The following RPL35A variants were observed in gnomAD, a reference collection of about 807,000 sequenced individuals.
The protein encoded by RPL35A is ribosomal protein L35a.
RPL35A carries 1 observed loss-of-function variant against 16.7 expected under a neutral mutation model. The ratio of observed to expected loss-of-function variants is 0.06; its 90% confidence interval spans 0.02 to 0.28. RPL35A has a LOEUF of 0.28. Ranked by LOEUF, RPL35A falls within the 10% of genes least tolerant of loss-of-function variation. RPL35A has a pLI of 1.00. For missense variants in RPL35A, 91 were observed against 138.7 expected (o/e 0.66, Z 1.73); for synonymous variants, 58 against 47.0 (o/e 1.23, Z -0.96).
At chr3:197,954,212 T>G in intron 4 of RPL35A, 65 bp downstream of exon 4, 1 of 1,574,364 alleles carries the variant, frequency 6.4e-7, no homozygotes, top group Non-Finnish European at 8.7e-7. Context: ...TGTTGTGCTT[T>G]GACTTCTGAG....
intron 3 of RPL35A, among the ~76,000 whole-genome samples, chr3:197,951,986 T>C (rs1581100331): frequency 6.6e-6 from 1 of 152,178 alleles, no homozygotes; most frequent in African/African-American, 2.4e-5. Context: ...ACGTTACTTC[T>C]GAGGGTGGTG....
Position 197,956,250 on chromosome 3 carries a change from G to A in RPL35A, c.*477G>A, listed in dbSNP as rs112984889. 283 of 181,330 alleles carry A rather than the reference G, an allele frequency of 1.6e-3. 1 individual carries two copies. Among genetic ancestry groups the A allele is most frequent in the African/African-American group, 3.7e-3 (158 of 42,566 alleles). The allele number at this position is 181,330 out of a possible 1,614,324, so 11.2% of individuals were successfully genotyped here. A position where few individuals can be genotyped will look rare whatever the true frequency, so the allele number is the denominator to read the frequency against. On this transcript the variant is annotated 3_prime_UTR_variant, in exon 5 of 5. Transcript: ENST00000647248. ...GATACAGTTATGAGCCACCACACCTGCCAAGTGCTTTGTGATACTATGCAT... is the reference window on the plus strand; with the variant it reads ...GATACAGTTATGAGCCACCACACCTACCAAGTGCTTTGTGATACTATGCAT...
At position 197,954,009 on chromosome 3, in the gene RPL35A, A is replaced by G; in HGVS notation, c.171A>G (p.Thr57=). ...TTTCCCTTTTTAAAATCAGCAACACAGTCACTCCTGGCGGCAAACCAAACA... is the reference window on the plus strand; with the variant it reads ...TTTCCCTTTTTAAAATCAGCAACACGGTCACTCCTGGCGGCAAACCAAACA... ...CAYVYKAKNN[T]VTPGGKPNKT... Residue 57 remains threonine (T), a synonymous_variant, in exon 4 of 5, where the codon ACA becomes ACG. Coordinates refer to ENST00000647248, the MANE Select transcript of RPL35A (RefSeq NM_000996.4). 1 of 1,612,940 alleles carries G rather than the reference A, an allele frequency of 6.2e-7. No individual in the cohort carries two copies. The highest frequency in any genetic ancestry group is 1.7e-5 in the Admixed American group (1 of 60,024).
At chr3:197,953,372 G>A in intron 3 of RPL35A, 1 of 452,002 alleles carries the variant, frequency 2.2e-6, no homozygotes, top group Non-Finnish European at 4.5e-6. Flanking sequence ...CAACCCCGTG[G>A]TCTTTAAAGG....
In RPL35A at chr3:197,953,064, G is replaced by A. The variant is rs1002921301; in HGVS notation, c.165-939G>A. Reference sequence around the variant, plus strand: ...TCCACCCGCCCCAGCCTCCCAAAGTGCTGGGATTACAGGCGTGAGCCATCG... The same window carrying A: ...TCCACCCGCCCCAGCCTCCCAAAGTACTGGGATTACAGGCGTGAGCCATCG... On this transcript the variant is annotated intron_variant, in intron 3 of 4. Transcript: ENST00000647248. Among the ~76,000 whole-genome samples, 4 of 152,210 alleles carry A rather than the reference G, an allele frequency of 2.6e-5. No homozygotes were observed. The East Asian group carries it at 7.7e-4, about 29-fold the overall frequency.
At chr3:197,950,556 T>A (rs1719974561) in intron 1 of RPL35A, 1 of 329,618 alleles carries the variant, frequency 3.0e-6, no homozygotes, top group Non-Finnish European at 5.5e-6. Flanking sequence ...CTGACCAGTC[T>A]CTTTCCTCAG....
intron 1 of RPL35A, 135 bp downstream of exon 1, chr3:197,950,356 A>G (rs945330770): frequency 1.6e-6 from 2 of 1,220,106 alleles, no homozygotes; most frequent in African/African-American, 3.1e-5. Context: ...GAAGAGGGAG[A>G]ACAGGATGGA....
At chr3:197,950,766 A>C in intron 1 of RPL35A, 170 bp from the exon 2 acceptor site, 1 of 630,818 alleles carries the variant, frequency 1.6e-6, no homozygotes, top group Non-Finnish European at 2.8e-6. Context: ...TGAGGTTTGA[A>C]TGTCTTGCCG....
At chr3:197,953,740 A>G (rs1031934603) in intron 3 of RPL35A, 1 of 548,984 alleles carries the variant, frequency 1.8e-6, no homozygotes, top group Non-Finnish European at 3.3e-6. Context: ...CTCTGTTATC[A>G]TCTGACCTAT....
At position 197,956,467 on chromosome 3, in the gene RPL35A, G is replaced by A. The variant is rs1271593471; in HGVS notation, c.*694G>A. 1 of 152,230 alleles carries A rather than the reference G, an allele frequency of 6.6e-6. No homozygotes were observed. The highest frequency in any genetic ancestry group is 1.5e-5 in the Non-Finnish European group (1 of 68,126). 9.4% of individuals were successfully genotyped at this position (152,230 alleles called of 1,614,324 possible). ...AGCAATCCTATGGTAGGTACATGGA[G>A]GTTGGGAATAGTGCACGGAAAGGTG... On this transcript the variant is annotated 3_prime_UTR_variant, in exon 5 of 5. Transcript: ENST00000647248.
intron 3 of RPL35A, 171 bp downstream of exon 3, chr3:197,951,482 A>G (rs768280377): frequency 1.4e-6 from 1 of 691,684 alleles, no homozygotes; most frequent in African/African-American, 1.8e-5. Flanking sequence ...CCTCCCGAGT[A>G]GCTGGGATTA....
intron 1 of RPL35A, chr3:197,950,652 A>C (rs1299172121): frequency 2.0e-6 from 1 of 495,410 alleles, no homozygotes; most frequent in African/African-American, 1.9e-5. Context: ...TTGCCTACTG[A>C]TAACGGCATG....
At chr3:197,954,452 G>GC in intron 4 of RPL35A, 1 of 422,742 alleles carries the variant, frequency 2.4e-6, no homozygotes, top group East Asian at 5.2e-5. Context: ...TTCCACCTCA[G>GC]CCCCCCAAGT....
chr3:197,955,113 C>G (rs1023627077), intron 4 of RPL35A, among the ~76,000 whole-genome samples: 1 of 151,984 alleles, frequency 6.6e-6, no homozygotes, highest in Non-Finnish European at 1.5e-5. Context: ...ACTGTATATT[C>G]TTGGGACCAA....
At chr3:197,950,905 G>T in intron 1 of RPL35A, 31 bp from the exon 2 acceptor site, 1 of 1,612,492 alleles carries the variant, frequency 6.2e-7, no homozygotes, top group South Asian at 1.1e-5. Context: ...GTGTGGCTTG[G>T]TTTTAAACTA....
intron 3 of RPL35A, chr3:197,953,624 C>T (rs1720300083): frequency 4.4e-6 from 2 of 457,180 alleles, no homozygotes; most frequent in South Asian, 3.1e-5. Flanking sequence ...TCCATGGTCA[C>T]CTCAGTGAGA....
Position 197,955,984 on chromosome 3 carries a change from T to A in RPL35A, c.*211T>A. On this transcript the variant is annotated 3_prime_UTR_variant, in exon 5 of 5. Transcript: ENST00000647248. The stretch of plus-strand genomic sequence containing the variant: ...AAGGGAACGGGTTTTAATGCGAGTA[T>A]CTTTGACAGAGTCTTGCTCTGTTGC... 1 of 561,964 alleles carries A rather than the reference T, an allele frequency of 1.8e-6. No homozygotes were observed. The highest frequency in any genetic ancestry group is 3.1e-5 in the East Asian group (1 of 32,220). The allele number at this position is 561,964 out of a possible 1,614,324, so 34.8% of individuals were successfully genotyped here.
Position 197,951,250 on chromosome 3 carries a change from G to A in RPL35A, c.103G>A (p.Ala35Thr). The A allele has an allele frequency of 6.2e-7, 1 of 1,614,122 alleles. No individual in the cohort carries two copies. The highest frequency in any genetic ancestry group is 8.5e-7 in the Non-Finnish European group (1 of 1,179,996). ...TCTTCTTAAAATTGAAGGTGTTTAC[G>A]CCCGAGATGAAACAGAATTCTATTT... ...TALLKIEGVY[A>T]RDETEFYLGK... is the part of the protein sequence containing the mutation. The change falls in exon 3 of 5, where the codon GCC becomes ACC. Residue 35 changes from alanine to threonine, a missense_variant. Ala to Thr is a moderately conservative substitution (Grantham distance 58). Transcript: ENST00000647248.
At position 197,950,702 on chromosome 3, in the gene RPL35A, C is replaced by T. The variant is rs1026097373; in HGVS notation, c.-32-234C>T. On this transcript the variant is annotated intron_variant, in intron 1 of 4. Transcript: ENST00000647248. ...TTTCTGAGAGTCATTTTTGTGACTCCTGTCCCTTAGTTTTGTCTTCATTCT... is the reference window on the plus strand; with the variant it reads ...TTTCTGAGAGTCATTTTTGTGACTCTTGTCCCTTAGTTTTGTCTTCATTCT... The T allele has an allele frequency of 8.9e-6, 5 of 564,910 alleles. No homozygotes were observed. In the Admixed American group the frequency reaches 1.2e-4, roughly 14 times the overall value. The allele number at this position is 564,910 out of a possible 1,614,324, so 35.0% of individuals were successfully genotyped here.
Sources: allele counts gnomAD v4.1 joint callset (sites outside exome capture counted in the v4.1 genomes callset), GRCh38; gene constraint gnomAD v4.1.1; transcripts MANE v1.5; gene names NCBI Gene and HGNC (gene_info 2026-07-23, HGNC 2026-07-21).